The following SPEN variants were observed in gnomAD, a reference collection of about 807,000 sequenced individuals.
SPEN encodes the protein msx2-interacting protein.
Under a neutral mutation model 269.9 loss-of-function variants are expected in SPEN, and 18 were observed. That is an observed-to-expected ratio of 0.07 (90% CI 0.05 to 0.10). SPEN has a LOEUF of 0.10. SPEN is among the 10% of genes least tolerant of loss of function. SPEN has a pLI of 1.00. For synonymous variants in SPEN, 1,726 were observed against 1,765.7 expected, an observed-to-expected ratio of 0.98 and a Z score of 0.56; for missense variants, 3,822 against 4,631.2, an observed-to-expected ratio of 0.83 and a Z score of 5.07.
At chr1:15,927,235 G>A (rs546710271) in intron 10 of SPEN, among the ~76,000 whole-genome samples, 10 of 152,304 alleles carry the variant, frequency 6.6e-5, no homozygotes, top group African/African-American at 1.4e-4. Flanking sequence ...AACTGGAGGA[G>A]TTCTCTCATG....
In SPEN at chr1:15,919,011, A is replaced by G; in HGVS notation, c.1481A>G (p.Lys494Arg). 6.2e-7 allele frequency: 1 copy of G among 1,612,304 alleles called. No homozygotes were observed. Among genetic ancestry groups the G allele is most frequent in the Non-Finnish European group, 8.5e-7 (1 of 1,179,034 alleles). Residue 494 changes from lysine to arginine, a missense_variant, in exon 7 of 15, where the codon AAG becomes AGG. Lys to Arg is a conservative substitution (Grantham distance 26). This residue lies in a region of SPEN where 230 missense variants were observed against 426.1 expected (regional missense o/e 0.54). Coordinates refer to ENST00000375759, the MANE Select transcript of SPEN (RefSeq NM_015001.3). The part of the protein sequence containing the change: ...CDIASVCKAI[K>R]KMDGEYLGNN... Reference sequence around the variant, plus strand: ...ATTGCTAGCGTTTGTAAAGCTATTAAGAAGATGGATGGGGAATATCTTGGA... The same window carrying G: ...ATTGCTAGCGTTTGTAAAGCTATTAGGAAGATGGATGGGGAATATCTTGGA...
rs374588734 is a variant in SPEN, at chr1:15,938,766, C to A, written c.10753C>A (p.Gln3585Lys). ...GCTGGCTCTGCCCTGTGGCCGTGAC[C>A]AAGAGGATGTTGTGAGCCAGACCGA... ...LLLALPCGRD[Q>K]EDVVSQTESL... Residue 3585 changes from glutamine (Q) to lysine (K), a missense_variant, in exon 14 of 15, where the codon CAA becomes AAA. Physicochemically the swap from Gln to Lys is moderately conservative, Grantham distance 53. Coordinates refer to ENST00000375759, the MANE Select transcript of SPEN (RefSeq NM_015001.3). 6.2e-7 allele frequency: 1 copy of A among 1,613,960 alleles called. No homozygotes were observed. Among genetic ancestry groups the A allele is most frequent in the Admixed American group, 1.7e-5 (1 of 60,004 alleles).
In SPEN at chr1:15,939,285, C is replaced by A; in HGVS notation, c.10864-11C>A. 1 of 1,570,838 alleles carries A rather than the reference C, an allele frequency of 6.4e-7. No homozygotes were observed. Among genetic ancestry groups the A allele is most frequent in the Non-Finnish European group, 8.6e-7 (1 of 1,156,872 alleles). On this transcript the variant is annotated splice_polypyrimidine_tract_variant and intron_variant, in intron 14 of 14. Transcript: ENST00000375759. The surrounding 1 kb of genome is among the most constrained non-coding windows in gnomAD (Gnocchi z 4.1). ...CAGACGGTCCCACTTTGCTCTCTAT[C>A]CTGTCTCCAGCCTGCCTACGTGCTG...
At chr1:15,890,413 G>A (rs1195397164) in intron 3 of SPEN, among the ~76,000 whole-genome samples, 6 of 151,862 alleles carry the variant, frequency 4.0e-5, no homozygotes, top group Admixed American at 1.3e-4. Context: ...TGTATTCTTA[G>A]TAGAGACTGA....
intron 3 of SPEN, among the ~76,000 whole-genome samples, chr1:15,900,116 G>A (rs2070886262): frequency 6.6e-6 from 1 of 152,150 alleles, no homozygotes; most frequent in Non-Finnish European, 1.5e-5. Flanking sequence ...AAAGTGCTGG[G>A]ATTACAGGCA....
In SPEN at chr1:15,937,086, T is replaced by C; in HGVS notation, c.10027-77T>C. On this transcript the variant is annotated intron_variant, in intron 11 of 14. Coordinates refer to ENST00000375759, the MANE Select transcript of SPEN (RefSeq NM_015001.3). This position sits in a 1 kb window ranked among gnomAD's most constrained non-coding sequence, Gnocchi z 5.7. ...ACATCTTATCCTTTCCCTGTGGCCCTTTGGGTCATTTGTTGGTCTCAGGGG... is the reference window on the plus strand; with the variant it reads ...ACATCTTATCCTTTCCCTGTGGCCCCTTGGGTCATTTGTTGGTCTCAGGGG... 6.5e-7 allele frequency: 1 copy of C among 1,540,726 alleles called. No individual in the cohort carries two copies. The highest frequency in any genetic ancestry group is 1.9e-5 in the Admixed American group (1 of 52,832).
chr1:15,920,468 A>G lies in SPEN; in HGVS notation c.1636-402A>G, dbSNP rs1009436831. Among the ~76,000 whole-genome samples, 13 of 152,332 alleles carry G rather than the reference A, an allele frequency of 8.5e-5. No homozygotes were observed. In the East Asian group the frequency reaches 1.2e-3, roughly 14 times the overall value. On this transcript the variant is annotated intron_variant, in intron 8 of 14. Transcript: ENST00000375759. The stretch of plus-strand genomic sequence containing the variant: ...AAGACAGTTATGCTACTTGTAGCCA[A>G]AGTTCACAGAAATTCTTTGTTGTTC...
chr1:15,932,445 C>G lies in SPEN; in HGVS notation c.6205C>G (p.Pro2069Ala), dbSNP rs1344997486. ...PVEVVEKKPA[P>A]EKNSKSKRGR... ...TGAAGTTGTAGAGAAAAAACCGGCC[C>G]CTGAAAAAAACTCCAAATCAAAGAG... Residue 2069 changes from proline to alanine, a missense_variant, in exon 11 of 15, where the codon CCT becomes GCT. By Grantham distance (27) the Pro-to-Ala change is conservative. Coordinates refer to ENST00000375759, the MANE Select transcript of SPEN (RefSeq NM_015001.3). The surrounding 1 kb of genome is among the most constrained non-coding windows in gnomAD (Gnocchi z 4.2). 2 of 1,613,072 alleles carry G rather than the reference C, an allele frequency of 1.2e-6. No individual in the cohort carries two copies. Among genetic ancestry groups the G allele is most frequent in the Non-Finnish European group, 1.7e-6 (2 of 1,179,696 alleles).
chr1:15,856,199 C>G (rs2070385119), intron 1 of SPEN, among the ~76,000 whole-genome samples: 1 of 151,564 alleles, frequency 6.6e-6, no homozygotes, highest in Non-Finnish European at 1.5e-5. Flanking sequence ...ACCATGTTAG[C>G]CAGCATGGTC....
intron 3 of SPEN, among the ~76,000 whole-genome samples, chr1:15,882,595 G>A (rs1322293370): frequency 1.3e-5 from 2 of 152,190 alleles, no homozygotes; most frequent in Non-Finnish European, 2.9e-5. Context: ...GGGAGATGGA[G>A]GTTGCAGTGA....
At position 15,929,510 on chromosome 1, in the gene SPEN, A is replaced by C; in HGVS notation, c.3270A>C (p.Glu1090Asp). Residue 1090 changes from glutamate (E) to aspartate (D), a missense_variant, in exon 11 of 15, where the codon GAA becomes GAC. By Grantham distance (45) the Glu-to-Asp change is conservative. Coordinates refer to ENST00000375759, the MANE Select transcript of SPEN (RefSeq NM_015001.3). This position sits in a 1 kb window ranked among gnomAD's most constrained non-coding sequence, Gnocchi z 5.8. ...CAGACCTACAAGCAAGACTGGGAGAACTAGCAGGTGAATCTGTGGAAAATC... is the reference window on the plus strand; with the variant it reads ...CAGACCTACAAGCAAGACTGGGAGACCTAGCAGGTGAATCTGTGGAAAATC... ...PSSDLQARLG[E>D]LAGESVENQE... The C allele has an allele frequency of 1.2e-6, 2 of 1,613,522 alleles. No individual in the cohort carries two copies. The highest frequency in any genetic ancestry group is 1.7e-6 in the Non-Finnish European group (2 of 1,179,846).
chr1:15,867,699 T>G (rs1214411273), intron 1 of SPEN, among the ~76,000 whole-genome samples: 1 of 151,892 alleles, frequency 6.6e-6, no homozygotes, highest in Non-Finnish European at 1.5e-5. Context: ...TCCTCATTAT[T>G]AGTTGTCATT....
Position 15,939,304 on chromosome 1 carries a change from C to T in SPEN, c.10872C>T (p.Tyr3624=), listed in dbSNP as rs201415390. The T allele has an allele frequency of 2.6e-4, 413 of 1,589,490 alleles. 2 individuals carry two copies. Among genetic ancestry groups the T allele is most frequent in the East Asian group, 9.5e-4 (41 of 43,090 alleles). Residue 3624 remains tyrosine, a synonymous_variant, in exon 15 of 15, where the codon TAC becomes TAT. Coordinates refer to ENST00000375759, the MANE Select transcript of SPEN (RefSeq NM_015001.3). This position sits in a 1 kb window ranked among gnomAD's most constrained non-coding sequence, Gnocchi z 4.1. ...VPNPGSNQPA[Y]VLQIFPPCEF... The stretch of plus-strand genomic sequence containing the variant: ...CTCTATCCTGTCTCCAGCCTGCCTA[C>T]GTGCTGCAGATCTTCCCGCCCTGTG...
At position 15,933,798 on chromosome 1, in the gene SPEN, C is replaced by T. The variant is rs2071246788; in HGVS notation, c.7558C>T (p.Pro2520Ser). 2.5e-6 allele frequency: 4 copies of T among 1,613,508 alleles called. No individual in the cohort carries two copies. Among genetic ancestry groups the T allele is most frequent in the Non-Finnish European group, 3.4e-6 (4 of 1,180,026 alleles). The stretch of plus-strand genomic sequence containing the variant: ...GTCTACTCCATCTCCAGCTCTTCCC[C>T]CAGACACAAAGGCCTCTGATGTTGA... ...AQSTPSPALPPDTKASDVDTS... is the reference protein window; with the variant it reads ...AQSTPSPALPSDTKASDVDTS... Residue 2520 changes from proline (P) to serine (S), a missense_variant, in exon 11 of 15, where the codon CCA becomes TCA. Physicochemically the swap from Pro to Ser is moderately conservative, Grantham distance 74. This residue lies in a region of SPEN where 727 missense variants were observed against 737.9 expected (regional missense o/e 0.99). Transcript: ENST00000375759. This position sits in a 1 kb window ranked among gnomAD's most constrained non-coding sequence, Gnocchi z 5.7.
intron 3 of SPEN, among the ~76,000 whole-genome samples, chr1:15,902,886 T>A (rs1391145536): frequency 1.3e-5 from 2 of 152,190 alleles, no homozygotes; most frequent in Non-Finnish European, 2.9e-5. Flanking sequence ...AATCGCTCCT[T>A]TCTGAAAATA....
intron 3 of SPEN, among the ~76,000 whole-genome samples, chr1:15,905,307 C>T (rs761350682): frequency 3.0e-4 from 45 of 151,410 alleles, no homozygotes; most frequent in Admixed American, 2.6e-4. Context: ...CTGCAACCTC[C>T]GCCTCCCGGG....
rs1570066145 is a variant in SPEN at position 15,932,904 on chromosome 1, A to G, written c.6664A>G (p.Ile2222Val). Reference protein sequence around the residue: ...ETELAAAIGSIINDISGEPEN... With the variant: ...ETELAAAIGSVINDISGEPEN... ...AGAGCTGGCTGCGGCCATCGGCTCCATCATCAATGACATTTCTGGGGAGCC... is the reference window on the plus strand; with the variant it reads ...AGAGCTGGCTGCGGCCATCGGCTCCGTCATCAATGACATTTCTGGGGAGCC... The change falls in exon 11 of 15, where the codon ATC becomes GTC. Residue 2222 changes from isoleucine (I) to valine (V), a missense_variant. Ile to Val is a conservative substitution (Grantham distance 29, BLOSUM62 3). This residue lies in a region of SPEN where 727 missense variants were observed against 737.9 expected (regional missense o/e 0.99). Coordinates refer to ENST00000375759, the MANE Select transcript of SPEN (RefSeq NM_015001.3). The surrounding 1 kb of genome is among the most constrained non-coding windows in gnomAD (Gnocchi z 4.2). 6.2e-7 allele frequency: 1 copy of G among 1,614,248 alleles called. No homozygotes were observed. The highest frequency in any genetic ancestry group is 1.1e-5 in the South Asian group (1 of 91,090).
intron 3 of SPEN, among the ~76,000 whole-genome samples, chr1:15,901,622 C>T (rs1243981655): frequency 6.8e-6 from 1 of 147,248 alleles, no homozygotes; most frequent in Non-Finnish European, 1.5e-5. Flanking sequence ...TGCACTCCAG[C>T]CTGGGTGACA....
intron 3 of SPEN, among the ~76,000 whole-genome samples, chr1:15,902,122 T>C (rs2148724578): frequency 6.6e-6 from 1 of 152,166 alleles, no homozygotes; most frequent in South Asian, 2.1e-4. Flanking sequence ...AGAGTTAGGG[T>C]TTCGCCATGT....
Sources: allele counts gnomAD v4.1 joint callset (sites outside exome capture counted in the v4.1 genomes callset), GRCh38; gene constraint gnomAD v4.1.1; regional missense constraint gnomAD v4.1.1; non-coding constraint Gnocchi (gnomAD v3.1); transcripts MANE v1.5; gene names NCBI Gene and HGNC (gene_info 2026-07-23, HGNC 2026-07-21).